FAM110B: variants seen among roughly 807,000 people sequenced by gnomAD.
The protein encoded by FAM110B is family with sequence similarity 110 member B, also known as protein FAM110B.
FAM110B carries 6 observed loss-of-function variants against 20.4 expected under a neutral mutation model. That is an observed-to-expected ratio of 0.29 (90% CI 0.16 to 0.58). The LOEUF is 0.58. FAM110B is among the 20% of genes least tolerant of loss of function. The pLI is 0.90. For missense variants in FAM110B, 434 were observed against 498.2 expected (o/e 0.87, Z 1.23); for synonymous variants, 226 against 214.1 (o/e 1.06, Z -0.49).
chr8:58,027,616 T>C (rs1034972174), intron 1 of FAM110B, among the ~76,000 whole-genome samples: 1 of 152,176 alleles, frequency 6.6e-6, no homozygotes, highest in Non-Finnish European at 1.5e-5. Context: ...TCCCCCACAC[T>C]GTGACTGTGC....
At chr8:58,076,748 G>A (rs1302051766) in intron 3 of FAM110B, among the ~76,000 whole-genome samples, 1 of 152,218 alleles carries the variant, frequency 6.6e-6, no homozygotes, top group African/African-American at 2.4e-5. Flanking sequence ...GAGTTGAAGA[G>A]TGTAAAGAGC....
intron 2 of FAM110B, among the ~76,000 whole-genome samples, chr8:58,056,881 C>G (rs931590432): frequency 6.6e-6 from 1 of 152,104 alleles, no homozygotes; most frequent in Non-Finnish European, 1.5e-5. Context: ...TGGAACTCTG[C>G]GTGCATGTTC....
chr8:58,035,833 G>A (rs912803411), intron 2 of FAM110B, among the ~76,000 whole-genome samples: 9 of 152,134 alleles, frequency 5.9e-5, no homozygotes, highest in African/African-American at 1.9e-4. Flanking sequence ...TTAGGATGCC[G>A]ATGGGCTGGA....
At chr8:58,022,859 TAGAC>T (rs1804782748) in intron 1 of FAM110B, among the ~76,000 whole-genome samples, 1 of 152,190 alleles carries the variant, frequency 6.6e-6, no homozygotes, top group South Asian at 2.1e-4. Context: ...AGGGGGTTGT[TAGAC>T]AGTGATTAGT....
intron 2 of FAM110B, among the ~76,000 whole-genome samples, chr8:58,045,450 T>C (rs1805301669): frequency 6.6e-6 from 1 of 152,212 alleles, no homozygotes. Flanking sequence ...TCTGACTGCA[T>C]GCACGCTCTG....
chr8:58,135,194 A>C (rs1034461245), intron 3 of FAM110B, among the ~76,000 whole-genome samples: 8 of 152,170 alleles, frequency 5.3e-5, no homozygotes, highest in African/African-American at 1.9e-4. Context: ...CAGTTTCCTC[A>C]TCTGTAAAAT....
intron 3 of FAM110B, among the ~76,000 whole-genome samples, chr8:58,085,058 A>G (rs1211567129): frequency 6.6e-6 from 1 of 152,208 alleles, no homozygotes; most frequent in East Asian, 1.9e-4. Context: ...TGAACCTGGC[A>G]ATTGGCATCA....
chr8:58,106,964 G>T (rs553417478), intron 3 of FAM110B, among the ~76,000 whole-genome samples: 1 of 152,248 alleles, frequency 6.6e-6, no homozygotes, highest in Admixed American at 6.5e-5. Context: ...AGTTTTAAAA[G>T]GTCACAGAAG....
At chr8:58,100,701 G>C (rs973199996) in intron 3 of FAM110B, among the ~76,000 whole-genome samples, 1 of 152,136 alleles carries the variant, frequency 6.6e-6, no homozygotes, top group Non-Finnish European at 1.5e-5. Context: ...CAGTCTTATT[G>C]GATGAGGGGC....
chr8:58,124,280 C>T (rs1025495513), intron 3 of FAM110B, among the ~76,000 whole-genome samples: 3 of 152,222 alleles, frequency 2.0e-5, no homozygotes, highest in Admixed American at 1.3e-4. Flanking sequence ...GAGCTCTTCA[C>T]GTCCCTAATG....
chr8:58,138,366 G>A (rs36038490), intron 3 of FAM110B, among the ~76,000 whole-genome samples: 31,019 of 152,144 alleles, frequency 0.2, 3,497 homozygotes, highest in South Asian at 0.3. Context: ...TGTGTGGGCC[G>A]AGCAAACCCT....
rs374710759 is a variant in FAM110B, at chr8:58,049,810, G to A, written c.-414+18107G>A. On this transcript the variant is annotated intron_variant, in intron 2 of 3. Transcript: ENST00000519262. ...AAGTTAATGCTCACTCTTAAGTAAA[G>A]CAATGGGAAAAACATCCTCTAATAT... Among the ~76,000 whole-genome samples the A allele has an allele frequency of 1.3e-4, 20 of 152,230 alleles. No homozygotes were observed. The East Asian group carries it at 2.3e-3, about 18-fold the overall frequency.
At chr8:58,108,049 CA>C (rs527322867) in intron 3 of FAM110B, among the ~76,000 whole-genome samples, 31 of 152,152 alleles carry the variant, frequency 2.0e-4, no homozygotes, top group Non-Finnish European at 2.9e-4. Context: ...TTTGTTCTTC[CA>C]GGGGAAGAGG....
intron 3 of FAM110B, among the ~76,000 whole-genome samples, chr8:58,082,820 C>A (rs569476595): frequency 6.6e-6 from 1 of 150,922 alleles, no homozygotes; most frequent in South Asian, 2.1e-4. Flanking sequence ...AGATGTGAGA[C>A]CCCCATCTCC....
chr8:58,088,333 T>G (rs894951449), intron 3 of FAM110B, among the ~76,000 whole-genome samples: 1 of 152,230 alleles, frequency 6.6e-6, no homozygotes, highest in Non-Finnish European at 1.5e-5. Context: ...ATTATTTTAC[T>G]GACTTGATGA....
At position 58,146,965 on chromosome 8, in the gene FAM110B, A is replaced by T; in HGVS notation, c.735A>T (p.Glu245Asp). The T allele has an allele frequency of 6.2e-7, 1 of 1,614,212 alleles. No individual in the cohort carries two copies. The highest frequency in any genetic ancestry group is 1.1e-5 in the South Asian group (1 of 91,084). ...AGTCCCCCGAGGCCGACCCTGTGGA[A>T]CCAGCTTGTGGAGTCAGCCGAAGAC... ...SMKSPEADPV[E>D]PACGVSRRPS... The change falls in exon 4 of 4, where the codon GAA (glutamate) becomes GAT (aspartate). Residue 245 changes from glutamate to aspartate, a missense_variant. Around this residue, in one of 3 missense-constraint regions of FAM110B, gnomAD observed 284 missense variants for 278.3 expected, o/e 1.02. Transcript: ENST00000519262.
intron 3 of FAM110B, among the ~76,000 whole-genome samples, chr8:58,136,852 A>T (rs1427935995): frequency 6.6e-6 from 1 of 152,230 alleles, no homozygotes; most frequent in African/African-American, 2.4e-5. Context: ...CTTTACTTAC[A>T]AATGAAAATG....
chr8:58,047,840 T>G (rs975256884), intron 2 of FAM110B, among the ~76,000 whole-genome samples: 2 of 152,026 alleles, frequency 1.3e-5, no homozygotes, highest in Non-Finnish European at 2.9e-5. Context: ...AATAGCTTCT[T>G]TATGTAGGAG....
intron 1 of FAM110B, among the ~76,000 whole-genome samples, chr8:58,023,620 A>G (rs9297984): frequency 6.6e-6 from 1 of 152,004 alleles, no homozygotes; most frequent in Non-Finnish European, 1.5e-5. Flanking sequence ...ACATTCATAC[A>G]TGGGGATCTA....
Sources: allele counts gnomAD v4.1 joint callset (sites outside exome capture counted in the v4.1 genomes callset), GRCh38; gene constraint gnomAD v4.1.1; regional missense constraint gnomAD v4.1.1; transcripts MANE v1.5; gene names NCBI Gene and HGNC (gene_info 2026-07-23, HGNC 2026-07-21).